SLC39A11: variants seen among roughly 807,000 people sequenced by gnomAD.
The protein encoded by SLC39A11 is zinc transporter ZIP11.
A neutral mutation model predicts 36.1 loss-of-function variants in SLC39A11; 33 were observed. The ratio of observed to expected loss-of-function variants is 0.91; its 90% CI spans 0.69 to 1.22. SLC39A11 has a LOEUF of 1.22. SLC39A11 is among the 50% of genes most tolerant of loss of function. The pLI is 0.00. For synonymous variants in SLC39A11, 166 were observed against 170.3 expected, an observed-to-expected ratio of 0.97 and a Z score of 0.20; for missense variants, 432 against 430.3, an observed-to-expected ratio of 1.00 and a Z score of -0.03.
intron 7 of SLC39A11, among the ~76,000 whole-genome samples, chr17:72,678,108 A>G (rs2071353587): frequency 6.6e-6 from 1 of 152,226 alleles, no homozygotes; most frequent in African/African-American, 2.4e-5. Flanking sequence ...CAAAAAATTT[A>G]TAACTTTCCT....
intron 3 of SLC39A11, among the ~76,000 whole-genome samples, chr17:73,038,733 GAGAA>G (rs1224308272): frequency 1.5e-5 from 2 of 132,062 alleles, no homozygotes; most frequent in Admixed American, 8.3e-5. Context: ...GAGAGAGAGA[GAGAA>G]AGAAAGGAGG....
chr17:72,912,252 T>C lies in SLC39A11; in HGVS notation c.430+35500A>G, dbSNP rs1293868704. 2.0e-5 allele frequency among the ~76,000 whole-genome samples: 3 copies of C among 151,934 alleles called. No homozygotes were observed. In the East Asian group the frequency reaches 5.8e-4, roughly 30 times the overall value. On this transcript the variant is annotated intron_variant, in intron 5 of 9. Coordinates refer to ENST00000255559, the MANE Select transcript of SLC39A11 (RefSeq NM_139177.4). ...CTATGATATGGACCCTGCAGAAGCC[T>C]GGAGAGCTGGAACTTCACGATGTCT...
intron 1 of SLC39A11, chr17:73,089,864 G>A (rs1479663297): frequency 6.6e-6 from 1 of 152,164 alleles, no homozygotes; most frequent in East Asian, 1.9e-4. Flanking sequence ...TCAGTCCAGA[G>A]AACCTCCTCC....
chr17:73,088,901 C>T, intron 1 of SLC39A11, 126 bp from the exon 2 acceptor site: 1 of 669,852 alleles, frequency 1.5e-6, no homozygotes, highest in Non-Finnish European at 2.7e-6. Flanking sequence ...TGCACCCTTC[C>T]ACCACGCCAT....
At chr17:72,882,604 T>C (rs752867452) in intron 5 of SLC39A11, among the ~76,000 whole-genome samples, 5 of 152,094 alleles carry the variant, frequency 3.3e-5, no homozygotes, top group South Asian at 2.1e-4. Context: ...CTTTAAACCA[T>C]AGAATTCAGC....
intron 7 of SLC39A11, among the ~76,000 whole-genome samples, chr17:72,659,847 C>T (rs1025658427): frequency 2.0e-5 from 3 of 152,004 alleles, no homozygotes; most frequent in Non-Finnish European, 2.9e-5. Context: ...GCAATCTGCC[C>T]GCCTCAGGCT....
chr17:72,839,100 G>A (rs2078695472), intron 6 of SLC39A11: 1 of 152,252 alleles, frequency 6.6e-6, no homozygotes, highest in African/African-American at 2.4e-5. Context: ...CCAGTGATGG[G>A]AAATAAGGAT....
chr17:72,732,337 T>A (rs1337158352), intron 7 of SLC39A11, among the ~76,000 whole-genome samples: 1 of 152,144 alleles, frequency 6.6e-6, no homozygotes, highest in Non-Finnish European at 1.5e-5. Flanking sequence ...TTAACTACAC[T>A]ATATTCAGAT....
At chr17:72,774,996 GA>G (rs112345853) in intron 6 of SLC39A11, among the ~76,000 whole-genome samples, 2,582 of 135,704 alleles carry the variant, frequency 0.019, 56 homozygotes, top group African/African-American at 0.068. Context: ...TGGCTACAAA[GA>G]AAAAAAAAAA....
chr17:72,809,685 A>G (rs996188941), intron 6 of SLC39A11, among the ~76,000 whole-genome samples: 1 of 152,214 alleles, frequency 6.6e-6, no homozygotes. Flanking sequence ...TTTAGGAAGC[A>G]GCAGAAATGC....
intron 5 of SLC39A11, among the ~76,000 whole-genome samples, chr17:72,900,296 T>C (rs894136014): frequency 2.6e-5 from 4 of 151,854 alleles, no homozygotes; most frequent in African/African-American, 7.3e-5. Flanking sequence ...CCCAGAGAGA[T>C]ACCATTTGAG....
intron 7 of SLC39A11, among the ~76,000 whole-genome samples, chr17:72,673,395 G>C (rs959613410): frequency 6.6e-6 from 1 of 152,140 alleles, no homozygotes; most frequent in African/African-American, 2.4e-5. Flanking sequence ...GAGCCACCGT[G>C]CCCGGCCTCT....
At chr17:72,803,754 C>G (rs1002315907) in intron 6 of SLC39A11, among the ~76,000 whole-genome samples, 1 of 152,170 alleles carries the variant, frequency 6.6e-6, no homozygotes, top group Non-Finnish European at 1.5e-5. Flanking sequence ...GAATAAGGGA[C>G]TAGTCTCCCT....
At chr17:73,043,473 G>A (rs1009017261) in intron 3 of SLC39A11, among the ~76,000 whole-genome samples, 4 of 152,204 alleles carry the variant, frequency 2.6e-5, no homozygotes, top group African/African-American at 7.2e-5. Flanking sequence ...TGCCAGGGCA[G>A]GGGTATGGAC....
At chr17:73,019,873 TTAAATA>T (rs1407675096) in intron 4 of SLC39A11, among the ~76,000 whole-genome samples, 1 of 152,172 alleles carries the variant, frequency 6.6e-6, no homozygotes, top group Non-Finnish European at 1.5e-5. Context: ...ATGTTGTTTA[TTAAATA>T]TAAAGACTCA....
intron 6 of SLC39A11, among the ~76,000 whole-genome samples, chr17:72,742,402 G>A (rs1376776036): frequency 6.6e-6 from 1 of 152,152 alleles, no homozygotes; most frequent in Non-Finnish European, 1.5e-5. Flanking sequence ...CTGACCTGCT[G>A]CCACCTGGCC....
intron 7 of SLC39A11, among the ~76,000 whole-genome samples, chr17:72,654,211 T>G (rs2069999771): frequency 6.6e-6 from 1 of 151,970 alleles, no homozygotes; most frequent in African/African-American, 2.4e-5. Context: ...CCTCTTCTGC[T>G]GCTCTGCCAG....
chr17:72,807,003 T>C (rs1453234464), intron 6 of SLC39A11, among the ~76,000 whole-genome samples: 2 of 152,218 alleles, frequency 1.3e-5, no homozygotes, highest in Admixed American at 6.5e-5. Context: ...ATTTTGCATC[T>C]ACATGTCTTT....
At chr17:72,782,243 T>G (rs2076342335) in intron 6 of SLC39A11, among the ~76,000 whole-genome samples, 1 of 152,104 alleles carries the variant, frequency 6.6e-6, no homozygotes, top group South Asian at 2.1e-4. Flanking sequence ...ACACCAAGAC[T>G]TGCTGCACCC....
Sources: allele counts gnomAD v4.1 joint callset (sites outside exome capture counted in the v4.1 genomes callset), GRCh38; gene constraint gnomAD v4.1.1; transcripts MANE v1.5; gene names NCBI Gene and HGNC (gene_info 2026-07-23, HGNC 2026-07-21).